Variants in VIM observed in about 807,000 individuals in gnomAD.
The protein encoded by VIM is vimentin, also known as epididymis secretory sperm binding protein.
A neutral mutation model predicts 50.3 loss-of-function variants in VIM; 18 were observed. The ratio of observed to expected loss-of-function variants is 0.36; its 90% CI spans 0.25 to 0.53. VIM has a LOEUF of 0.53. Among genes scored for constraint, VIM ranks in the 20% least tolerant of loss-of-function variants. The pLI is 0.91. For synonymous variants in VIM, 245 were observed against 248.5 expected (o/e 0.99, Z 0.13); for missense variants, 551 against 614.7 (o/e 0.90, Z 1.10).
At position 17,235,149 on chromosome 10, in the gene VIM, A is replaced by G; in HGVS notation, c.1009-20A>G. ...GTTTTTCTGAGAAATAACACCAGAC[A>G]TCTTTCTCACCCCCTGCAGAATGAG... is the stretch of plus-strand genomic sequence containing the variant. On this transcript the variant is annotated intron_variant, in intron 6 of 9. Coordinates refer to ENST00000544301, the MANE Select transcript of VIM (RefSeq NM_003380.5). 1.2e-6 allele frequency: 2 copies of G among 1,613,276 alleles called. No individual in the cohort carries two copies. Among genetic ancestry groups the G allele is most frequent in the Non-Finnish European group, 8.5e-7 (1 of 1,179,180 alleles).
In VIM at chr10:17,229,593, G is replaced by A; in HGVS notation, c.171G>A (p.Pro57=). Residue 57 remains proline, a synonymous_variant, in exon 2 of 10, where the codon CCG becomes CCA. Coordinates refer to ENST00000544301, the MANE Select transcript of VIM (RefSeq NM_003380.5). The stretch of plus-strand genomic sequence containing the variant: ...GCCGCAGCCTCTACGCCTCGTCCCC[G>A]GGCGGCGTGTATGCCACGCGCTCCT... ...STSRSLYASS[P]GGVYATRSSA... is the part of the protein sequence containing the mutation. The A allele has an allele frequency of 6.2e-7, 1 of 1,605,436 alleles. No individual in the cohort carries two copies. Among genetic ancestry groups the A allele is most frequent in the South Asian group, 1.1e-5 (1 of 90,004 alleles).
At chr10:17,234,390 C>G (rs570141369) in intron 5 of VIM, among the ~76,000 whole-genome samples, 17 of 152,178 alleles carry the variant, frequency 1.1e-4, no homozygotes, top group Non-Finnish European at 2.1e-4. Context: ...GTTGGGATTA[C>G]AGGCATGCGC....
At chr10:17,234,094 C>T (rs930004308) in intron 5 of VIM, 163 bp downstream of exon 5, 45 of 746,930 alleles carry the variant, frequency 6.0e-5, no homozygotes, top group Middle Eastern at 3.1e-4. Context: ...CCACTCACAT[C>T]ACCTCCTTTA....
At chr10:17,234,944 T>C (rs1588735634) in intron 6 of VIM, 126 bp downstream of exon 6, 1 of 1,432,188 alleles carries the variant, frequency 7.0e-7, no homozygotes, top group Non-Finnish European at 9.6e-7. Context: ...GAAAATGAGT[T>C]ATCAAGACAG....
Position 17,229,445 on chromosome 10 carries a change from C to T in VIM, c.23C>T (p.Ser8Leu), listed in dbSNP as rs779204525. 1.9e-6 allele frequency: 3 copies of T among 1,606,426 alleles called. No homozygotes were observed. The highest frequency in any genetic ancestry group is 2.5e-6 in the Non-Finnish European group (3 of 1,179,082). Residue 8 changes from serine to leucine, a missense_variant, in exon 2 of 10, where the codon TCG becomes TTG. By Grantham distance (145) the Ser-to-Leu change is moderately radical. Coordinates refer to ENST00000544301, the MANE Select transcript of VIM (RefSeq NM_003380.5). MSTRSVS[S>L]SSYRRMFGGP... ...GCCATGTCCACCAGGTCCGTGTCCTCGTCCTCCTACCGCAGGATGTTCGGC... is the reference window on the plus strand; with the variant it reads ...GCCATGTCCACCAGGTCCGTGTCCTTGTCCTCCTACCGCAGGATGTTCGGC...
chr10:17,231,428 G>T (rs1846796550), intron 3 of VIM, among the ~76,000 whole-genome samples: 1 of 152,190 alleles, frequency 6.6e-6, no homozygotes, highest in African/African-American at 2.4e-5. Context: ...ATGGAATGTA[G>T]ATACAGACAT....
rs531549673 is a variant in VIM at position 17,235,778 on chromosome 10, G to T, written c.1230-68G>T. 2.1e-6 allele frequency: 3 copies of T among 1,457,420 alleles called. No individual in the cohort carries two copies. In the African/African-American group the frequency reaches 4.2e-5, roughly 20 times the overall value. 90.3% of individuals were successfully genotyped at this position (1,457,420 alleles called of 1,614,324 possible). A position where few individuals can be genotyped will look rare whatever the true frequency, so the allele number is the denominator to read the frequency against. On this transcript the variant is annotated intron_variant, in intron 7 of 9. Transcript: ENST00000544301. ...CTTACGTGACGAAAACAAAAAGTGT[G>T]TTAATTTGTTCCCAGTGGTTGAAGT...
intron 2 of VIM, 27 bp from the exon 3 acceptor site, chr10:17,230,623 C>G: frequency 6.2e-7 from 1 of 1,613,808 alleles, no homozygotes; most frequent in East Asian, 2.2e-5. Flanking sequence ...TCCTCGTTCC[C>G]CTTTGGTTAA....
intron 7 of VIM, chr10:17,235,612 A>T (rs1381233097): frequency 1.2e-5 from 8 of 693,474 alleles, no homozygotes; most frequent in African/African-American, 3.6e-5. Flanking sequence ...AACTCTGTCA[A>T]AGCCTCCACT....
At position 17,234,748 on chromosome 10, in the gene VIM, A is replaced by G. The variant is rs1316382347; in HGVS notation, c.938A>G (p.Lys313Arg). 1 of 1,614,154 alleles carries G rather than the reference A, an allele frequency of 6.2e-7. No homozygotes were observed. The highest frequency in any genetic ancestry group is 1.7e-5 in the Admixed American group (1 of 60,026). The change falls in exon 6 of 10, where the codon AAG (lysine) becomes AGG (arginine). Residue 313 changes from lysine (K) to arginine (R), a missense_variant. By Grantham distance (26) the Lys-to-Arg change is conservative (BLOSUM62 2). Transcript: ENST00000544301. The part of the protein sequence containing the change: ...NRNNDALRQA[K>R]QESTEYRRQV... ...AACAATGACGCCCTGCGCCAGGCAA[A>G]GCAGGAGTCCACTGAGTACCGGAGA...
chr10:17,236,483 T>C (rs1846891672), intron 9 of VIM, 104 bp downstream of exon 9: 1 of 990,404 alleles, frequency 1.0e-6, no homozygotes, highest in Non-Finnish European at 1.6e-6. Context: ...ATTTGAGAGG[T>C]TCAGGTTTCA....
chr10:17,229,324 G>C lies in VIM; in HGVS notation c.-99G>C. On this transcript the variant is annotated 5_prime_UTR_variant, in exon 2 of 10. Transcript: ENST00000544301. Reference sequence around the variant, plus strand: ...GTCCCCGCGCCAGAGACGCAGCCGCGCTCCCACCACCCACACCCACCGCGC... The same window carrying C: ...GTCCCCGCGCCAGAGACGCAGCCGCCCTCCCACCACCCACACCCACCGCGC... 7.8e-7 allele frequency: 1 copy of C among 1,284,056 alleles called. No individual in the cohort carries two copies. The highest frequency in any genetic ancestry group is 1.1e-6 in the Non-Finnish European group (1 of 925,474). The allele number at this position is 1,284,056 out of a possible 1,614,324, so 79.5% of individuals were successfully genotyped here. A position where few individuals can be genotyped will look rare whatever the true frequency, so the allele number is the denominator to read the frequency against.
At chr10:17,231,009 C>G in intron 3 of VIM, 1 of 381,192 alleles carries the variant, frequency 2.6e-6, no homozygotes, top group Non-Finnish European at 4.9e-6. Context: ...TTCAAGCGAT[C>G]CTTGAATGAT....
At chr10:17,237,132 A>G in intron 9 of VIM, 98 bp from the exon 10 acceptor site, 1 of 1,099,182 alleles carries the variant, frequency 9.1e-7, no homozygotes. Flanking sequence ...ACAATAAATT[A>G]CATATATTTA....
intron 1 of VIM, 166 bp downstream of exon 1, chr10:17,228,690 C>CA (rs1487144875): frequency 1.3e-5 from 2 of 153,054 alleles, no homozygotes; most frequent in African/African-American, 4.8e-5. Context: ...AGTCGATGGA[C>CA]AGAGGCGCGG....
chr10:17,235,061 T>C lies in VIM; in HGVS notation c.1009-108T>C, dbSNP rs1846862810. ...CATTCTCCACCTAAAATTAGAGTGGTCGCCATTTGCCGCTAATGGAAATTA... is the reference window on the plus strand; with the variant it reads ...CATTCTCCACCTAAAATTAGAGTGGCCGCCATTTGCCGCTAATGGAAATTA... On this transcript the variant is annotated intron_variant, in intron 6 of 9. Coordinates refer to ENST00000544301, the MANE Select transcript of VIM (RefSeq NM_003380.5). 2.2e-6 allele frequency: 3 copies of C among 1,340,826 alleles called. No individual in the cohort carries two copies. The Admixed American group carries it at 5.8e-5, about 26-fold the overall frequency. 83.1% of individuals were successfully genotyped at this position (1,340,826 alleles called of 1,614,324 possible). A position where few individuals can be genotyped will look rare whatever the true frequency, so the allele number is the denominator to read the frequency against.
chr10:17,230,206 G>A, intron 2 of VIM: 1 of 615,096 alleles, frequency 1.6e-6, no homozygotes, highest in South Asian at 2.0e-5. Context: ...CCCACACATT[G>A]CCCAAGGACG....
At chr10:17,230,319 T>A in intron 2 of VIM, 1 of 566,812 alleles carries the variant, frequency 1.8e-6, no homozygotes, top group Non-Finnish European at 3.2e-6. Flanking sequence ...GAAAGTTTCC[T>A]GCCCCTTCTG....
rs756282194 is a variant in VIM at position 17,229,939 on chromosome 10, G to A, written c.517G>A (p.Val173Met). The A allele has an allele frequency of 2.5e-5, 40 of 1,612,810 alleles. No homozygotes were observed. Among genetic ancestry groups the A allele is most frequent in the Non-Finnish European group, 3.1e-5 (37 of 1,179,846 alleles). Residue 173 changes from valine to methionine, a missense_variant, in exon 2 of 10, where the codon GTG becomes ATG. Physicochemically the swap from Val to Met is conservative, Grantham distance 21. This residue lies in a region of VIM where 394 missense variants were observed against 437.5 expected (regional missense o/e 0.90). Transcript: ENST00000544301. ...AACCAACGACAAAGCCCGCGTCGAGGTGGAGCGCGACAACCTGGCCGAGGA... is the reference window on the plus strand; with the variant it reads ...AACCAACGACAAAGCCCGCGTCGAGATGGAGCGCGACAACCTGGCCGAGGA... ...QLTNDKARVE[V>M]ERDNLAEDIM...
Sources: allele counts gnomAD v4.1 joint callset (sites outside exome capture counted in the v4.1 genomes callset), GRCh38; gene constraint gnomAD v4.1.1; regional missense constraint gnomAD v4.1.1; transcripts MANE v1.5; gene names NCBI Gene and HGNC (gene_info 2026-07-23, HGNC 2026-07-21).